PCNT: variants seen among roughly 807,000 people sequenced by gnomAD.
PCNT encodes the protein pericentrin, also known as kendrin.
Under a neutral mutation model 380.4 loss-of-function variants are expected in PCNT, and 319 were observed. The observed-to-expected ratio is 0.84, with a 90% CI of 0.77 to 0.92. The LOEUF (loss-of-function observed/expected upper bound fraction) is 0.92, where lower values mean the gene tolerates loss of function less well. Among genes scored for constraint, PCNT ranks in the 40% least tolerant of loss-of-function variants. The pLI, the probability that PCNT is intolerant of heterozygous loss-of-function variation, is 0.00. For missense variants in PCNT, 4,400 were observed against 4,255.3 expected (o/e 1.03, Z -0.95); for synonymous variants, 1,845 against 1,735.2 (o/e 1.06, Z -1.57).
intron 16 of PCNT, among the ~76,000 whole-genome samples, chr21:46,385,061 C>G (rs2085782116): frequency 6.6e-6 from 1 of 152,194 alleles, no homozygotes; most frequent in South Asian, 2.1e-4. Flanking sequence ...ACTCTCACTC[C>G]CCATTTGCCC....
chr21:46,360,158 A>C (rs1328850846), intron 13 of PCNT, among the ~76,000 whole-genome samples: 1 of 143,264 alleles, frequency 7.0e-6, no homozygotes, highest in South Asian at 2.2e-4. Context: ...CACCTGGCCT[A>C]CTTTTAATCT....
At chr21:46,386,331 G>A (rs962516743) in intron 17 of PCNT, among the ~76,000 whole-genome samples, 5 of 152,220 alleles carry the variant, frequency 3.3e-5, no homozygotes, top group East Asian at 3.9e-4. Context: ...CCTCGTCCCC[G>A]GCACGGGGTG....
chr21:46,346,147 A>G lies in PCNT; in HGVS notation c.659A>G (p.Glu220Gly), dbSNP rs563051197. ...MFTKECEQEC[E>G]LAITDLESGR... The stretch of plus-strand genomic sequence containing the variant: ...CCCCAGGAGTGTGAACAAGAATGTG[A>G]ACTTGCCATTACTGACCTGGAGAGC... Residue 220 changes from glutamate (E) to glycine (G), a missense_variant, in exon 4 of 47, where the codon GAA (glutamate) becomes GGA (glycine). Glu to Gly is a moderately conservative substitution (Grantham distance 98, BLOSUM62 -2). Transcript: ENST00000359568. 1.9e-6 allele frequency: 3 copies of G among 1,614,048 alleles called. No individual in the cohort carries two copies. The highest frequency in any genetic ancestry group is 1.3e-5 in the African/African-American group (1 of 74,916).
chr21:46,391,286 G>T lies in PCNT; in HGVS notation c.4126G>T (p.Ala1376Ser). ...CCTGAGACGGCAGCTGCAGCAGGCG[G>T]CCCAGGAGCAGGCGGCGCTGAGGGA... ...ESLRRQLQQA[A>S]QEQAALREEC... is the part of the protein sequence containing the mutation. Residue 1376 changes from alanine (A) to serine (S), a missense_variant, in exon 21 of 47, where the codon GCC becomes TCC. Transcript: ENST00000359568. 6.3e-7 allele frequency: 1 copy of T among 1,586,352 alleles called. No homozygotes were observed. The highest frequency in any genetic ancestry group is 8.6e-7 in the Non-Finnish European group (1 of 1,166,608).
chr21:46,435,469 G>T (rs1304889015), intron 38 of PCNT, among the ~76,000 whole-genome samples: 4 of 151,662 alleles, frequency 2.6e-5, no homozygotes, highest in Non-Finnish European at 4.4e-5. Context: ...CAGGTGATCC[G>T]CTTGCTGCAG....
rs538465402 is a variant in PCNT at position 46,365,366 on chromosome 21, T to C, written c.2610-1218T>C. Among the ~76,000 whole-genome samples the C allele has an allele frequency of 1.2e-3, 169 of 140,712 alleles. 10 individuals carry two copies. The highest frequency in any genetic ancestry group is 2.1e-3 in the Non-Finnish European group (136 of 63,964). The allele number at this position is 140,712 out of a possible 152,430, so 92.3% of individuals were successfully genotyped here. A position where few individuals can be genotyped will look rare whatever the true frequency, so the allele number is the denominator to read the frequency against. ...GGTTCTATTCACTGCCGTGGGGTTC[T>C]GATCACTGCCGTGGGGTTCTGTTCA... On this transcript the variant is annotated intron_variant, in intron 14 of 46. Transcript: ENST00000359568.
chr21:46,381,192 AT>A (rs1375468540), intron 15 of PCNT, among the ~76,000 whole-genome samples: 4 of 77,316 alleles, frequency 5.2e-5, no homozygotes, highest in Non-Finnish European at 8.7e-5. Flanking sequence ...AAAAAAAAAA[AT>A]CTCTGTGTGT....
intron 15 of PCNT, among the ~76,000 whole-genome samples, chr21:46,374,899 C>T (rs2839233): frequency 0.67 from 99,612 of 149,270 alleles, 33,958 homozygotes; most frequent in African/African-American, 0.79. Flanking sequence ...CAAGCCCTGA[C>T]GGGAGTGTTT....
intron 1 of PCNT, among the ~76,000 whole-genome samples, chr21:46,324,676 G>T (rs2083303127): frequency 6.6e-6 from 1 of 151,846 alleles, no homozygotes; most frequent in Non-Finnish European, 1.5e-5. Flanking sequence ...CGCGGCAGGC[G>T]CTGGACCCCA....
At chr21:46,393,084 G>A (rs2086087372) in intron 21 of PCNT, among the ~76,000 whole-genome samples, 1 of 152,124 alleles carries the variant, frequency 6.6e-6, no homozygotes, top group African/African-American at 2.4e-5. Flanking sequence ...TCCTCACTGC[G>A]GTGTTGCCTG....
chr21:46,389,066 C>T lies in PCNT; in HGVS notation c.3608-133C>T, dbSNP rs149423445. The stretch of plus-strand genomic sequence containing the variant: ...GGTTTGGGCTAAATTTGTCAGCTCC[C>T]GTGGACGTGGCGCTGACTCATCTCG... On this transcript the variant is annotated intron_variant, in intron 18 of 46. Coordinates refer to ENST00000359568, the MANE Select transcript of PCNT (RefSeq NM_006031.6). 158 of 1,256,754 alleles carry T rather than the reference C, an allele frequency of 1.3e-4. 1 individual carries two copies. In the African/African-American group the frequency reaches 2.0e-3, roughly 16 times the overall value. The allele number at this position is 1,256,754 out of a possible 1,614,324, so 77.9% of individuals were successfully genotyped here.
chr21:46,338,598 A>G (rs986125729), intron 3 of PCNT, among the ~76,000 whole-genome samples: 4 of 131,628 alleles, frequency 3.0e-5, no homozygotes, highest in African/African-American at 1.2e-4. Flanking sequence ...TGAATAATGA[A>G]TGTGTCTTTT....
intron 6 of PCNT, 93 bp from the exon 7 acceptor site, chr21:46,348,919 C>A: frequency 1.1e-6 from 1 of 871,476 alleles, no homozygotes; most frequent in South Asian, 1.4e-5. Flanking sequence ...AGCCACGTTG[C>A]CTGGCCTGCT....
chr21:46,387,982 G>A (rs1191581413), intron 17 of PCNT, among the ~76,000 whole-genome samples: 1 of 151,934 alleles, frequency 6.6e-6, no homozygotes, highest in Non-Finnish European at 1.5e-5. Flanking sequence ...AGGCTGAGGC[G>A]GGTGGATCAT....
At position 46,445,452 on chromosome 21, in the gene PCNT, C is replaced by CA; in HGVS notation, c.*126dup. 1.2e-6 allele frequency: 1 copy of CA among 808,288 alleles called. No homozygotes were observed. Among genetic ancestry groups the CA allele is most frequent in the Non-Finnish European group, 2.2e-6 (1 of 449,768 alleles). The allele number at this position is 808,288 out of a possible 1,614,324, so 50.1% of individuals were successfully genotyped here. A position where few individuals can be genotyped will look rare whatever the true frequency, so the allele number is the denominator to read the frequency against. ...CTTCATGTGCGGTGACACCAGCCCC[C>CA]AGATGCCTTGAATTAAGTGTCCTCA... On this transcript the variant is annotated 3_prime_UTR_variant, in exon 47 of 47. Coordinates refer to ENST00000359568, the MANE Select transcript of PCNT (RefSeq NM_006031.6).
In PCNT at chr21:46,440,218, C is replaced by T. The variant is rs766754770; in HGVS notation, c.9393+16C>T. ...CAATGTCAAGGTAGGAACGGTGCCA[C>T]GAGTATAGAACTTTGGTGCTTTTTT... On this transcript the variant is annotated intron_variant, in intron 42 of 46. Coordinates refer to ENST00000359568, the MANE Select transcript of PCNT (RefSeq NM_006031.6). 1.6e-5 allele frequency: 26 copies of T among 1,613,390 alleles called. No individual in the cohort carries two copies. The highest frequency in any genetic ancestry group is 1.1e-4 in the East Asian group (5 of 44,900).
intron 8 of PCNT, 112 bp downstream of exon 8, chr21:46,349,932 T>G: frequency 9.4e-7 from 1 of 1,062,038 alleles, no homozygotes; most frequent in Non-Finnish European, 1.4e-6. Flanking sequence ...GTTCTAAATT[T>G]AAAGAGACTG....
At chr21:46,340,865 G>A (rs1265648005) in intron 3 of PCNT, among the ~76,000 whole-genome samples, 2 of 151,792 alleles carry the variant, frequency 1.3e-5, no homozygotes, top group Admixed American at 1.3e-4. Context: ...GTAGAGACGG[G>A]GTTTTGCCAT....
intron 29 of PCNT, among the ~76,000 whole-genome samples, chr21:46,413,863 G>A (rs1280650868): frequency 6.6e-6 from 1 of 152,218 alleles, no homozygotes; most frequent in Non-Finnish European, 1.5e-5. Context: ...AGCGAGAAAA[G>A]CGGGTGCTGG....
Sources: gnomAD v4.1 joint callset for allele counts (sites outside exome capture counted in the v4.1 genomes callset) on GRCh38, gnomAD v4.1.1 for gene constraint, MANE v1.5 for transcripts, NCBI Gene and HGNC (gene_info 2026-07-23, HGNC 2026-07-21) for gene names.